The following AKIRIN1 variants were observed in gnomAD, a reference collection of about 807,000 sequenced individuals.
AKIRIN1 encodes akirin 1, also known as akirin-1.
AKIRIN1 carries 4 observed loss-of-function variants against 25.9 expected under a neutral mutation model. The ratio of observed to expected loss-of-function variants is 0.15; its 90% CI spans 0.08 to 0.35. The LOEUF (loss-of-function observed/expected upper bound fraction) is 0.35, where lower values mean the gene tolerates loss of function less well. Among genes scored for constraint, AKIRIN1 ranks in the 10% least tolerant of loss-of-function variants. The probability of loss-of-function intolerance (pLI) is 1.00; values close to 1 mark genes in which losing one functional copy is unlikely to be tolerated. For synonymous variants in AKIRIN1, 125 were observed against 105.1 expected (o/e 1.19, Z -1.16); for missense variants, 243 against 266.1 (o/e 0.91, Z 0.61).
Position 38,998,337 on chromosome 1 carries a change from T to C in AKIRIN1, c.361+26T>C, listed in dbSNP as rs531916342. The C allele has an allele frequency of 1.2e-5, 19 of 1,583,566 alleles. No individual in the cohort carries two copies. The African/African-American group carries it at 1.9e-4, about 16-fold the overall frequency. ...GTAAGCCCACTTTGATCTGCAAAATTCGCATTAAGAGTTTGTAAATGGTAC... is the reference window on the plus strand; with the variant it reads ...GTAAGCCCACTTTGATCTGCAAAATCCGCATTAAGAGTTTGTAAATGGTAC... On this transcript the variant is annotated intron_variant, in intron 2 of 4. Transcript: ENST00000432648.
chr1:38,996,904 T>C (rs1403696490), intron 1 of AKIRIN1, among the ~76,000 whole-genome samples: 2 of 152,246 alleles, frequency 1.3e-5, no homozygotes, highest in Admixed American at 1.3e-4. Context: ...TGACTATGTG[T>C]GGAACCACTT....
chr1:38,991,658 GGTGGTGGGGGA>G, intron 1 of AKIRIN1, 58 bp downstream of exon 1: 3 of 1,020,242 alleles, frequency 2.9e-6, no homozygotes, highest in Non-Finnish European at 3.8e-6. Context: ...TTTTGGGGGG[GGTGGTGGGGGA>G]GGGTTGGGAA....
Position 38,995,021 on chromosome 1 carries a change from G to A in AKIRIN1, c.221-3150G>A, listed in dbSNP as rs117203902. Among the ~76,000 whole-genome samples the A allele has an allele frequency of 1.6e-4, 24 of 151,984 alleles. No homozygotes were observed. In the East Asian group the frequency reaches 4.6e-3, roughly 29 times the overall value. On this transcript the variant is annotated intron_variant, in intron 1 of 4. Transcript: ENST00000432648. The stretch of plus-strand genomic sequence containing the variant: ...TTTTTGTATTTTTTTTGTCAAGACA[G>A]GGTTTCACTGTATTGGCCAAGCTGG...
intron 1 of AKIRIN1, 92 bp from the exon 2 acceptor site, chr1:38,998,079 G>T: frequency 7.3e-7 from 1 of 1,377,302 alleles, no homozygotes; most frequent in Non-Finnish European, 9.8e-7. Flanking sequence ...CTAAAGTCTA[G>T]TCAGAAGATC....
chr1:38,993,922 T>C (rs1284984049), intron 1 of AKIRIN1, among the ~76,000 whole-genome samples: 1 of 149,790 alleles, frequency 6.7e-6, no homozygotes, highest in African/African-American at 2.5e-5. Flanking sequence ...AATACAAAAT[T>C]AGTGGGGCAT....
rs200613128 is a variant in AKIRIN1, at chr1:39,002,729, CA to C, written c.497-607del. ...TGGGTGACAGAGTGAGACTCCATCT[CA>C]AAAAAAAAAAGAAGAAGCTCTAATA... On this transcript the variant is annotated intron_variant, in intron 3 of 4. Coordinates refer to ENST00000432648, the MANE Select transcript of AKIRIN1 (RefSeq NM_024595.3). Among the ~76,000 whole-genome samples, 1,381 of 143,374 alleles carry C rather than the reference CA, an allele frequency of 9.6e-3. 34 individuals are homozygous for C. The highest frequency in any genetic ancestry group is 0.063 in the East Asian group (314 of 4,996). 94.1% of individuals were successfully genotyped at this position (143,374 alleles called of 152,430 possible). A position where few individuals can be genotyped will look rare whatever the true frequency, so the allele number is the denominator to read the frequency against.
rs766680644 is a variant in AKIRIN1, at chr1:38,991,538, C to A, written c.158C>A (p.Thr53Asn). ...CCGCCGCCGCCGTTTCAGACGCAGA[C>A]CCCACCGCAGAGTCTGCAGCAGCCC... ...AEPPPPFQTQ[T>N]PPQSLQQPAP... Residue 53 changes from threonine (T) to asparagine (N), a missense_variant, in exon 1 of 5, where the codon ACC (threonine) becomes AAC (asparagine). Around this residue, in one of 3 missense-constraint regions of AKIRIN1, gnomAD observed 190 missense variants for 174.4 expected, o/e 1.09. Transcript: ENST00000432648. 198 of 1,458,990 alleles carry A rather than the reference C, an allele frequency of 1.4e-4. No homozygotes were observed. The highest frequency in any genetic ancestry group is 1.7e-4 in the Non-Finnish European group (186 of 1,110,574). 90.4% of individuals were successfully genotyped at this position (1,458,990 alleles called of 1,614,324 possible). A position where few individuals can be genotyped will look rare whatever the true frequency, so the allele number is the denominator to read the frequency against.
chr1:39,003,034 G>A (rs1406606372), intron 3 of AKIRIN1, among the ~76,000 whole-genome samples: 2 of 152,214 alleles, frequency 1.3e-5, no homozygotes. Flanking sequence ...GAGATGGGCT[G>A]AAATTTCCTG....
intron 1 of AKIRIN1, among the ~76,000 whole-genome samples, chr1:38,997,199 A>G (rs1401180197): frequency 6.6e-6 from 1 of 152,064 alleles, no homozygotes; most frequent in Non-Finnish European, 1.5e-5. Flanking sequence ...TTAAATTAGT[A>G]GGTACAAACA....
rs1054821589 is a variant in AKIRIN1 at position 38,998,216 on chromosome 1, G to A, written c.266G>A (p.Arg89Lys). 4.3e-6 allele frequency: 7 copies of A among 1,613,826 alleles called. No homozygotes were observed. In the African/African-American group the frequency reaches 8.0e-5, roughly 18 times the overall value. Reference sequence around the variant, plus strand: ...AAACAAGAATATAGTCGTTATCAGAGGTGGAGACATTTAGAAGTTGTTCTT... The same window carrying A: ...AAACAAGAATATAGTCGTTATCAGAAGTGGAGACATTTAGAAGTTGTTCTT... ...NIKQEYSRYQ[R>K]WRHLEVVLNQ... The change falls in exon 2 of 5, where the codon AGG becomes AAG. Residue 89 changes from arginine to lysine, a missense_variant. Coordinates refer to ENST00000432648, the MANE Select transcript of AKIRIN1 (RefSeq NM_024595.3).
intron 1 of AKIRIN1, among the ~76,000 whole-genome samples, chr1:38,993,646 A>AG (rs1416735798): frequency 5.3e-5 from 8 of 150,586 alleles, no homozygotes; most frequent in Admixed American, 2.0e-4. Context: ...AAAAAAAAAA[A>AG]AGAGAATGTG....
In AKIRIN1 at chr1:38,993,631, CAAAAAAA is replaced by C. The variant is rs529279921; in HGVS notation, c.220+2041_220+2047del. Among the ~76,000 whole-genome samples the C allele has an allele frequency of 2.8e-5, 3 of 108,998 alleles. No individual in the cohort carries two copies. The South Asian group carries it at 9.6e-4, about 35-fold the overall frequency. The allele number at this position is 108,998 out of a possible 152,430, so 71.5% of individuals were successfully genotyped here. A position where few individuals can be genotyped will look rare whatever the true frequency, so the allele number is the denominator to read the frequency against. On this transcript the variant is annotated intron_variant, in intron 1 of 4. Coordinates refer to ENST00000432648, the MANE Select transcript of AKIRIN1 (RefSeq NM_024595.3). ...GGGCCACAAGAGCGAAACTCCATCT[CAAAAAAA>C]AAAAAAAAAGAGAATGTGGGCAAGG...
intron 1 of AKIRIN1, among the ~76,000 whole-genome samples, chr1:38,994,672 A>ATTTTTTTTTTTTTT (rs10528399): frequency 4.6e-4 from 29 of 63,552 alleles, no homozygotes; most frequent in East Asian, 7.7e-4. Flanking sequence ...CGCTCGGCTA[A>ATTTTTTTTTTTTTT]TTTTTTTTTT....
intron 1 of AKIRIN1, 67 bp downstream of exon 1, chr1:38,991,667 GGA>G: frequency 1.1e-6 from 1 of 892,406 alleles, no homozygotes; most frequent in Non-Finnish European, 1.5e-6. Flanking sequence ...GGGTGGTGGG[GGA>G]GGGTTGGGAA....
intron 1 of AKIRIN1, among the ~76,000 whole-genome samples, chr1:38,997,605 G>A (rs552162834): frequency 1.3e-5 from 2 of 151,560 alleles, no homozygotes; most frequent in Non-Finnish European, 2.9e-5. Context: ...GGATCCTCCC[G>A]CCTCCCCCTG....
At chr1:38,999,841 T>C (rs1228123899) in intron 2 of AKIRIN1, among the ~76,000 whole-genome samples, 3 of 151,726 alleles carry the variant, frequency 2.0e-5, no homozygotes, top group Non-Finnish European at 2.9e-5. Flanking sequence ...CTGCTGCCCA[T>C]GTTTTTTTGT....
chr1:39,005,997 C>CT lies in AKIRIN1; in HGVS notation c.*1945dup, dbSNP rs1339923904. The CT allele has an allele frequency of 6.6e-6, 1 of 151,166 alleles. No individual in the cohort carries two copies. The highest frequency in any genetic ancestry group is 2.4e-5 in the African/African-American group (1 of 41,074). The allele number at this position is 151,166 out of a possible 1,614,324, so 9.4% of individuals were successfully genotyped here. A position where few individuals can be genotyped will look rare whatever the true frequency, so the allele number is the denominator to read the frequency against. On this transcript the variant is annotated 3_prime_UTR_variant, in exon 5 of 5. Transcript: ENST00000432648. ...AACATTGCATTGAAAATTTATGGAC[C>CT]TTTAAAAAAAAAAGCCCAACAGTGA...
chr1:39,001,970 G>T (rs1349399987), intron 3 of AKIRIN1, among the ~76,000 whole-genome samples: 2 of 152,202 alleles, frequency 1.3e-5, no homozygotes, highest in South Asian at 2.1e-4. Flanking sequence ...GCTAGGGCAG[G>T]TTAGAACAAA....
intron 3 of AKIRIN1, among the ~76,000 whole-genome samples, 174 bp downstream of exon 3, chr1:39,001,280 G>C (rs192675700): frequency 2.1e-5 from 3 of 145,570 alleles, no homozygotes; most frequent in African/African-American, 7.4e-5. Flanking sequence ...TTATATGGAA[G>C]GACTTTTTTT....
Sources: gnomAD v4.1 joint callset for allele counts (sites outside exome capture counted in the v4.1 genomes callset) on GRCh38, gnomAD v4.1.1 for gene constraint, gnomAD v4.1.1 regional missense constraint, MANE v1.5 for transcripts, NCBI Gene and HGNC (gene_info 2026-07-23, HGNC 2026-07-21) for gene names.